The following ANO5 variants were observed in gnomAD, a reference collection of about 807,000 sequenced individuals.
ANO5 encodes the protein anoctamin 5, also known as anoctamin-5.
Under a neutral mutation model 121.0 loss-of-function variants are expected in ANO5, and 109 were observed. The ratio of observed to expected loss-of-function variants is 0.90; its 90% confidence interval spans 0.77 to 1.06. The LOEUF is 1.06. Ranked by LOEUF, ANO5 falls within the 50% of genes least tolerant of loss-of-function variation. ANO5 has a pLI of 0.00. For synonymous variants in ANO5, 406 were observed against 359.9 expected (o/e 1.13, Z -1.45); for missense variants, 1,064 against 1,078.5 (o/e 0.99, Z 0.19).
At chr11:22,213,330 C>A (rs1204173501) in intron 3 of ANO5, among the ~76,000 whole-genome samples, 1 of 151,848 alleles carries the variant, frequency 6.6e-6, no homozygotes, top group Non-Finnish European at 1.5e-5. Context: ...TCCTCAGGCT[C>A]CTCTTGGTTG....
chr11:22,241,283 C>G (rs1470226479), intron 9 of ANO5, among the ~76,000 whole-genome samples: 2 of 8,308 alleles, frequency 2.4e-4, no homozygotes, highest in African/African-American at 3.4e-3. Flanking sequence ...TTTTATTTAT[C>G]TGCTCCACCA....
chr11:22,211,948 A>C (rs1390783495), intron 3 of ANO5, among the ~76,000 whole-genome samples: 1 of 151,342 alleles, frequency 6.6e-6, no homozygotes, highest in Admixed American at 6.6e-5. Flanking sequence ...ATATTGATCA[A>C]ATTAAAACAA....
chr11:22,250,644 T>A (rs1366966809), intron 10 of ANO5, 97 bp from the exon 11 acceptor site: 2 of 1,245,758 alleles, frequency 1.6e-6, no homozygotes, highest in Admixed American at 3.5e-5. Flanking sequence ...TTCTGTTATA[T>A]GTGAGAAGTT....
chr11:22,226,918 G>A (rs894535764), intron 6 of ANO5, among the ~76,000 whole-genome samples: 4 of 152,040 alleles, frequency 2.6e-5, no homozygotes, highest in Non-Finnish European at 4.4e-5. Flanking sequence ...CTTATATAAC[G>A]TAAGTAAAAT....
Position 22,283,323 on chromosome 11 carries a change from TCA to T in ANO5, c.*3561_*3562del, listed in dbSNP as rs751033932. ...TACATAAATCTCAAGAGAATCAAAT[TCA>T]CAGAGTGAATAAAGTAATAATATTA... On this transcript the variant is annotated 3_prime_UTR_variant, in exon 22 of 22. Transcript: ENST00000324559. The T allele has an allele frequency of 2.6e-5, 4 of 152,214 alleles. No individual in the cohort carries two copies. The highest frequency in any genetic ancestry group is 2.1e-4 in the South Asian group (1 of 4,836). 9.4% of individuals were successfully genotyped at this position (152,214 alleles called of 1,614,324 possible).
chr11:22,259,687 A>G lies in ANO5; in HGVS notation c.1576A>G (p.Ile526Val). The G allele has an allele frequency of 6.2e-7, 1 of 1,614,030 alleles. No homozygotes were observed. Among genetic ancestry groups the G allele is most frequent in the Non-Finnish European group, 8.5e-7 (1 of 1,179,970 alleles). The change falls in exon 15 of 22, where the codon ATC (isoleucine) becomes GTC (valine). Residue 526 changes from isoleucine to valine, a missense_variant. Physicochemically the swap from Ile to Val is conservative, Grantham distance 29 (BLOSUM62 3). Coordinates refer to ENST00000324559, the MANE Select transcript of ANO5 (RefSeq NM_213599.3). ...AGGATCATGCTTGAACTTTATTGTC[A>G]TCTTGATCTTGAATTTCTTTTATGA... ...LTGSCLNFIV[I>V]LILNFFYEKI...
At position 22,197,427 on chromosome 11, in the gene ANO5, C is replaced by G. The variant is rs184257424; in HGVS notation, c.40+3895C>G. On this transcript the variant is annotated intron_variant, in intron 1 of 21. Transcript: ENST00000324559. ...GTGTGATCATAGCTCACCATAGCCTCAAGAAATGTTTATGCTTTAGCTGAT... is the reference window on the plus strand; with the variant it reads ...GTGTGATCATAGCTCACCATAGCCTGAAGAAATGTTTATGCTTTAGCTGAT... Among the ~76,000 whole-genome samples, 9 of 151,060 alleles carry G rather than the reference C, an allele frequency of 6.0e-5. No homozygotes were observed. The East Asian group carries it at 1.8e-3, about 29-fold the overall frequency.
At chr11:22,262,727 AG>A (rs1295786845) in intron 16 of ANO5, among the ~76,000 whole-genome samples, 1 of 152,194 alleles carries the variant, frequency 6.6e-6, no homozygotes, top group African/African-American at 2.4e-5. Context: ...AATGAGACCC[AG>A]AAATCTGTGT....
At chr11:22,233,622 A>G (rs1428830393) in intron 7 of ANO5, among the ~76,000 whole-genome samples, 1 of 152,102 alleles carries the variant, frequency 6.6e-6, no homozygotes. Flanking sequence ...AGACTGAGCC[A>G]AATCAGGACT....
chr11:22,213,460 G>C (rs1363306436), intron 3 of ANO5, among the ~76,000 whole-genome samples: 1 of 151,444 alleles, frequency 6.6e-6, no homozygotes, highest in Non-Finnish European at 1.5e-5. Context: ...TTTATGATTA[G>C]ACTTGGATTA....
chr11:22,218,388 G>T (rs1852534265), intron 4 of ANO5, 101 bp downstream of exon 4: 1 of 1,455,994 alleles, frequency 6.9e-7, no homozygotes, highest in Non-Finnish European at 9.6e-7. Flanking sequence ...GGGGAACATT[G>T]TCACTAATTC....
intron 4 of ANO5, 35 bp downstream of exon 4, chr11:22,218,322 T>C (rs772113984): frequency 6.2e-7 from 1 of 1,611,486 alleles, no homozygotes; most frequent in South Asian, 1.1e-5. Flanking sequence ...GCTTATGCTC[T>C]GAATGGCTGC....
In ANO5 at chr11:22,281,768, A is replaced by G. The variant is rs940793322; in HGVS notation, c.*2003A>G. ...AAAAACAAATTTAATTCACAAAGTT[A>G]TCTGTACACTGCAGTTTTAAAATAT... On this transcript the variant is annotated 3_prime_UTR_variant, in exon 22 of 22. Coordinates refer to ENST00000324559, the MANE Select transcript of ANO5 (RefSeq NM_213599.3). 6.6e-6 allele frequency: 1 copy of G among 152,138 alleles called. No homozygotes were observed. The highest frequency in any genetic ancestry group is 1.5e-5 in the Non-Finnish European group (1 of 67,954). 9.4% of individuals were successfully genotyped at this position (152,138 alleles called of 1,614,324 possible). A position where few individuals can be genotyped will look rare whatever the true frequency, so the allele number is the denominator to read the frequency against.
chr11:22,243,338 G>T (rs1429561972), intron 9 of ANO5, among the ~76,000 whole-genome samples: 1 of 151,974 alleles, frequency 6.6e-6, no homozygotes, highest in Non-Finnish European at 1.5e-5. Context: ...GACAACTTTT[G>T]TGTCTGTATT....
At chr11:22,253,899 G>A (rs943402731) in intron 12 of ANO5, among the ~76,000 whole-genome samples, 1 of 152,120 alleles carries the variant, frequency 6.6e-6, no homozygotes, top group African/African-American at 2.4e-5. Context: ...AGGGCTGGAC[G>A]ATTAGGAAAT....
At chr11:22,269,859 G>A (rs925974661) in intron 17 of ANO5, among the ~76,000 whole-genome samples, 2 of 151,970 alleles carry the variant, frequency 1.3e-5, no homozygotes, top group African/African-American at 4.8e-5. Flanking sequence ...TTTTTATATA[G>A]CATGGAATTT....
intron 13 of ANO5, 95 bp downstream of exon 13, chr11:22,255,617 A>G: frequency 7.0e-7 from 1 of 1,427,076 alleles, no homozygotes; most frequent in Non-Finnish European, 9.8e-7. Flanking sequence ...TGCCTTTAAA[A>G]TATTCTGCAA....
At chr11:22,208,593 A>G (rs904075426) in intron 2 of ANO5, among the ~76,000 whole-genome samples, 3 of 151,972 alleles carry the variant, frequency 2.0e-5, no homozygotes, top group Non-Finnish European at 2.9e-5. Context: ...GAATAGCTCT[A>G]TACCTTGACA....
At chr11:22,259,873 AC>A in intron 15 of ANO5, 132 bp downstream of exon 15, 1 of 879,150 alleles carries the variant, frequency 1.1e-6, no homozygotes, top group Non-Finnish European at 1.8e-6. Flanking sequence ...CTATAAATAG[AC>A]CCATATCTGC....
Sources: allele counts gnomAD v4.1 joint callset (sites outside exome capture counted in the v4.1 genomes callset), GRCh38; gene constraint gnomAD v4.1.1; transcripts MANE v1.5; gene names NCBI Gene and HGNC (gene_info 2026-07-23, HGNC 2026-07-21).